The following CLIC5 variants were observed in gnomAD, a reference collection of about 807,000 sequenced individuals.
The protein encoded by CLIC5 is chloride intracellular channel protein 5.
CLIC5 carries 20 observed loss-of-function variants against 24.7 expected under a neutral mutation model. The observed-to-expected ratio is 0.81, with a 90% CI of 0.57 to 1.18. CLIC5 has a LOEUF of 1.18. CLIC5 is among the 50% of genes most tolerant of loss of function. CLIC5 has a pLI of 0.00. For missense variants in CLIC5, 341 were observed against 326.1 expected (o/e 1.05, Z -0.35); for synonymous variants, 159 against 135.6 (o/e 1.17, Z -1.20).
chr6:46,076,166 C>T (rs1371314856), intron 1 of CLIC5, among the ~76,000 whole-genome samples: 2 of 152,170 alleles, frequency 1.3e-5, no homozygotes, highest in Admixed American at 6.6e-5. Context: ...CCCTAGTGGC[C>T]CCTAAGGACT....
chr6:45,897,769 A>G (rs929586265), downstream of CLIC5, among the ~76,000 whole-genome samples: 2 of 152,096 alleles, frequency 1.3e-5, no homozygotes, highest in African/African-American at 4.8e-5. Flanking sequence ...CAGCCTAGGA[A>G]CGCAAGCCAC....
intron 1 of CLIC5, among the ~76,000 whole-genome samples, chr6:45,970,561 T>C (rs967510124): frequency 6.6e-6 from 1 of 152,188 alleles, no homozygotes; most frequent in African/African-American, 2.4e-5. Flanking sequence ...CCAGTAATTA[T>C]ACCACACACA....
chr6:45,974,493 G>GTATATATA (rs1294058722), intron 1 of CLIC5, among the ~76,000 whole-genome samples: 3 of 85,416 alleles, frequency 3.5e-5, no homozygotes, highest in African/African-American at 1.3e-4. Context: ...CTGTGTGTGT[G>GTATATATA]TGTGTATATA....
Position 45,956,267 on chromosome 6 carries a change from A to G in CLIC5, c.64-1023T>C, listed in dbSNP as rs534909633. 4.6e-5 allele frequency among the ~76,000 whole-genome samples: 7 copies of G among 152,284 alleles called. No homozygotes were observed. The South Asian group carries it at 1.5e-3, about 32-fold the overall frequency. The stretch of plus-strand genomic sequence containing the variant: ...AGAATTCATTTCCATAGGGTGGTTT[A>G]TTGGCCCCCAACATAATACTTAGAG... On this transcript the variant is annotated intron_variant, in intron 1 of 5. Coordinates refer to ENST00000339561, the MANE Select transcript of CLIC5 (RefSeq NM_016929.5).
intron 5 of CLIC5, chr6:45,911,732 C>A (rs1762827737): frequency 6.1e-6 from 6 of 985,344 alleles, no homozygotes; most frequent in Non-Finnish European, 7.2e-6. Flanking sequence ...TTGGTGTTCC[C>A]CTTCTTGTTT....
chr6:46,039,517 CAAAATAAACATAAGCAT>C (rs1288907322), intron 1 of CLIC5, among the ~76,000 whole-genome samples: 1 of 150,924 alleles, frequency 6.6e-6, no homozygotes, highest in Non-Finnish European at 1.5e-5. Flanking sequence ...TTGGTCAAAG[CAAAATAAACATAAGCAT>C]AAAATAAACA....
chr6:45,973,971 C>A (rs1765290862), intron 1 of CLIC5, among the ~76,000 whole-genome samples: 1 of 150,952 alleles, frequency 6.6e-6, no homozygotes, highest in Non-Finnish European at 1.5e-5. Flanking sequence ...TGTGATATAA[C>A]CATATGATAG....
the CLIC5 span, among the ~76,000 whole-genome samples, chr6:46,122,693 T>C: frequency 4.6e-5 from 7 of 151,246 alleles, no homozygotes; most frequent in Non-Finnish European, 8.9e-5. Context: ...GCAAGACTAA[T>C]AAAGAAGAAA....
At chr6:46,101,242 A>G in the CLIC5 span, among the ~76,000 whole-genome samples, 2 of 152,218 alleles carry the variant, frequency 1.3e-5, no homozygotes, top group African/African-American at 4.8e-5. Flanking sequence ...CATGCCTCAG[A>G]AAGCTGTTCA....
chr6:45,930,327 G>C (rs1763682416), intron 4 of CLIC5, among the ~76,000 whole-genome samples: 1 of 152,178 alleles, frequency 6.6e-6, no homozygotes, highest in Non-Finnish European at 1.5e-5. Flanking sequence ...ATTGTAGAAG[G>C]AGAAGAGGAA....
intron 1 of CLIC5, among the ~76,000 whole-genome samples, chr6:46,047,005 C>T (rs548347708): frequency 7.9e-5 from 12 of 152,276 alleles, no homozygotes; most frequent in Non-Finnish European, 1.6e-4. Flanking sequence ...TTCACTGCTC[C>T]CTTCCCATGC....
At chr6:45,916,745 G>A (rs1263390794) in intron 4 of CLIC5, among the ~76,000 whole-genome samples, 2 of 152,184 alleles carry the variant, frequency 1.3e-5, no homozygotes, top group Non-Finnish European at 2.9e-5. Flanking sequence ...GTAATTCCTC[G>A]AGATGGAAGG....
chr6:45,909,472 T>C (rs1033751202), intron 5 of CLIC5, among the ~76,000 whole-genome samples: 5 of 152,228 alleles, frequency 3.3e-5, no homozygotes, highest in African/African-American at 1.2e-4. Flanking sequence ...TATGGTCTAA[T>C]GGTAATAAAT....
chr6:46,048,013 T>TC (rs1422281486), intron 1 of CLIC5, among the ~76,000 whole-genome samples: 359 of 151,828 alleles, frequency 2.4e-3, no homozygotes, highest in Non-Finnish European at 3.9e-3. Flanking sequence ...TACTTTTTTT[T>TC]TTTTTTTTAG....
chr6:46,044,760 T>C (rs1240204277), intron 1 of CLIC5, among the ~76,000 whole-genome samples: 1 of 152,220 alleles, frequency 6.6e-6, no homozygotes, highest in Non-Finnish European at 1.5e-5. Context: ...TTCAGCTACT[T>C]GTAGGATTAT....
At chr6:45,956,851 G>GGAA (rs1001700619) in intron 1 of CLIC5, among the ~76,000 whole-genome samples, 1 of 152,156 alleles carries the variant, frequency 6.6e-6, no homozygotes, top group African/African-American at 2.4e-5. Context: ...ATATAAAATG[G>GGAA]GAAAGGTAGG....
intron 1 of CLIC5, among the ~76,000 whole-genome samples, chr6:46,079,096 A>G (rs1216415521): frequency 6.6e-6 from 1 of 152,178 alleles, no homozygotes; most frequent in East Asian, 1.9e-4. Context: ...TATAACCATA[A>G]CTTTATTACT....
chr6:45,982,845 T>C (rs1231807002), intron 1 of CLIC5, among the ~76,000 whole-genome samples: 1 of 152,206 alleles, frequency 6.6e-6, no homozygotes, highest in Non-Finnish European at 1.5e-5. Flanking sequence ...GATTCGCTTT[T>C]AGTACTGACT....
intron 1 of CLIC5, among the ~76,000 whole-genome samples, chr6:46,022,459 T>C (rs1489214476): frequency 6.6e-6 from 1 of 152,148 alleles, no homozygotes; most frequent in Non-Finnish European, 1.5e-5. Context: ...GATGACAGCT[T>C]CAGAAAGACA....
Sources: allele counts gnomAD v4.1 joint callset (sites outside exome capture counted in the v4.1 genomes callset), GRCh38; gene constraint gnomAD v4.1.1; transcripts MANE v1.5; gene names NCBI Gene and HGNC (gene_info 2026-07-23, HGNC 2026-07-21).